The following WDR25 variants were observed in gnomAD, a reference collection of about 807,000 sequenced individuals.
WDR25 encodes WD repeat domain 25, also known as WD repeat-containing protein 25.
WDR25 carries 35 observed loss-of-function variants against 47.7 expected under a neutral mutation model. The observed-to-expected ratio is 0.73, with a 90% CI of 0.56 to 0.97. The LOEUF (loss-of-function observed/expected upper bound fraction) is 0.97. WDR25 is among the 50% of genes least tolerant of loss of function. The pLI is 0.00. For missense variants in WDR25, 634 were observed against 704.7 expected (o/e 0.90, Z 1.14); for synonymous variants, 248 against 278.9 (o/e 0.89, Z 1.10).
intron 2 of WDR25, among the ~76,000 whole-genome samples, chr14:100,400,234 C>G (rs536245373): frequency 1.3e-5 from 2 of 152,324 alleles, no homozygotes; most frequent in East Asian, 3.9e-4. Flanking sequence ...TTCCTTGATA[C>G]TTGTCATGGT....
At chr14:100,457,545 C>T (rs765805183) in intron 2 of WDR25, among the ~76,000 whole-genome samples, 4 of 152,136 alleles carry the variant, frequency 2.6e-5, no homozygotes, top group Non-Finnish European at 5.9e-5. Context: ...AGCAAACTTG[C>T]GCTATAAGAC....
At position 100,381,397 on chromosome 14, in the gene WDR25, G is replaced by T; in HGVS notation, c.473G>T (p.Gly158Val). The T allele has an allele frequency of 6.2e-7, 1 of 1,614,206 alleles. No individual in the cohort carries two copies. The highest frequency in any genetic ancestry group is 8.5e-7 in the Non-Finnish European group (1 of 1,180,020). Residue 158 changes from glycine (G) to valine (V), a missense_variant, in exon 2 of 7, where the codon GGT becomes GTT. Gly to Val is a moderately radical substitution (Grantham distance 109). Transcript: ENST00000402312. Reference protein sequence around the residue: ...FHAQSESETVGKNGSSFQKKK... With the variant: ...FHAQSESETVVKNGSSFQKKK... Reference sequence around the variant, plus strand: ...GCTCAAAGTGAGTCTGAAACCGTAGGTAAAAATGGCAGCTCTTTTCAGAAG... The same window carrying T: ...GCTCAAAGTGAGTCTGAAACCGTAGTTAAAAATGGCAGCTCTTTTCAGAAG...
Position 100,458,391 on chromosome 14 carries a change from C to T in WDR25, c.823-9630C>T, listed in dbSNP as rs570537921. 8.6e-5 allele frequency among the ~76,000 whole-genome samples: 13 copies of T among 152,024 alleles called. No individual in the cohort carries two copies. The South Asian group carries it at 2.7e-3, about 32-fold the overall frequency. On this transcript the variant is annotated intron_variant, in intron 2 of 6. Transcript: ENST00000402312. ...CATAAATATTTATATAAATAATAAG[C>T]GAGCTCTAAAATACATGAAGCAATA... is the stretch of plus-strand genomic sequence containing the variant.
Position 100,530,299 on chromosome 14 carries a change from A to G in WDR25, c.*258A>G. On this transcript the variant is annotated 3_prime_UTR_variant, in exon 7 of 7. Coordinates refer to ENST00000402312, the MANE Select transcript of WDR25 (RefSeq NM_001161476.3). ...GTTTTGCTGTTTGTTAAGTGATTTC[A>G]GCAACAAGTGTGCATTAGCAGCTTC... 1 of 517,500 alleles carries G rather than the reference A, an allele frequency of 1.9e-6. No homozygotes were observed. The allele number at this position is 517,500 out of a possible 1,614,324, so 32.1% of individuals were successfully genotyped here.
intron 2 of WDR25, among the ~76,000 whole-genome samples, chr14:100,454,298 A>C (rs1027678663): frequency 6.6e-6 from 1 of 152,112 alleles, no homozygotes; most frequent in East Asian, 1.9e-4. Context: ...AAACATTCCT[A>C]CCAGAAGGCT....
intron 4 of WDR25, among the ~76,000 whole-genome samples, chr14:100,505,282 GTTAT>G (rs1901073669): frequency 6.6e-6 from 1 of 152,196 alleles, no homozygotes; most frequent in African/African-American, 2.4e-5. Context: ...AAGGTCAACA[GTTAT>G]TTATTTCTTT....
intron 3 of WDR25, among the ~76,000 whole-genome samples, chr14:100,474,742 T>C (rs1348335440): frequency 2.0e-5 from 3 of 152,252 alleles, no homozygotes; most frequent in Admixed American, 1.3e-4. Context: ...TGGGCAATGA[T>C]TTTTTGGATA....
At chr14:100,505,268 A>G (rs972080139) in intron 4 of WDR25, among the ~76,000 whole-genome samples, 2 of 152,114 alleles carry the variant, frequency 1.3e-5, no homozygotes, top group Admixed American at 6.5e-5. Flanking sequence ...TTATGGTGTG[A>G]GGTAAGGTCA....
chr14:100,468,776 CA>C lies in WDR25; in HGVS notation c.970+609del, dbSNP rs1338160865. Among the ~76,000 whole-genome samples the C allele has an allele frequency of 9.9e-5, 15 of 152,094 alleles. No individual in the cohort carries two copies. The highest frequency in any genetic ancestry group is 3.6e-4 in the African/African-American group (15 of 41,406). On this transcript the variant is annotated intron_variant, in intron 3 of 6. Coordinates refer to ENST00000402312, the MANE Select transcript of WDR25 (RefSeq NM_001161476.3). The surrounding 1 kb of genome is among the most constrained non-coding windows in gnomAD (Gnocchi z 4.5). ...CAATACCCACCGCAGCCACAGCCCC[CA>C]GGTGGGCTCTCTCCGGGGTTTACAG...
chr14:100,393,862 C>T (rs1897196792), intron 2 of WDR25, among the ~76,000 whole-genome samples: 1 of 152,146 alleles, frequency 6.6e-6, no homozygotes, highest in African/African-American at 2.4e-5. Flanking sequence ...AGCTGCTCTG[C>T]CCTGAAATAC....
chr14:100,526,820 C>CA (rs376721886), intron 5 of WDR25, among the ~76,000 whole-genome samples: 125 of 109,890 alleles, frequency 1.1e-3, no homozygotes, highest in African/African-American at 4.1e-3. Context: ...CCATCAGCAT[C>CA]ACTACCACCA....
At position 100,381,720 on chromosome 14, in the gene WDR25, T is replaced by C. The variant is rs775014723; in HGVS notation, c.796T>C (p.Ser266Pro). 1 of 1,608,460 alleles carries C rather than the reference T, an allele frequency of 6.2e-7. No homozygotes were observed. Among genetic ancestry groups the C allele is most frequent in the South Asian group, 1.1e-5 (1 of 90,662 alleles). ...PVLSKSHMLL[S>P]TSMDKTFKVW... ...CCTTTCTAAGAGCCACATGCTTCTCTCCACTTCTATGGATAAAACTTTCAA... is the reference window on the plus strand; with the variant it reads ...CCTTTCTAAGAGCCACATGCTTCTCCCCACTTCTATGGATAAAACTTTCAA... Residue 266 changes from serine to proline, a missense_variant, in exon 2 of 7, where the codon TCC becomes CCC. Coordinates refer to ENST00000402312, the MANE Select transcript of WDR25 (RefSeq NM_001161476.3).
chr14:100,529,209 G>C lies in WDR25; in HGVS notation c.1413+1G>C, dbSNP rs1566951722. The C allele has an allele frequency of 1.2e-6, 2 of 1,613,332 alleles. No individual in the cohort carries two copies. The highest frequency in any genetic ancestry group is 3.3e-5 in the Admixed American group (2 of 60,014). Reference sequence around the variant, plus strand: ...ACGGCGGCGCTATGAAGGGCACAAGGTACTTCTGTCCTTGTCCCCCAGGCG... The same window carrying C: ...ACGGCGGCGCTATGAAGGGCACAAGCTACTTCTGTCCTTGTCCCCCAGGCG... On this transcript the variant is annotated splice_donor_variant, in intron 6 of 6. Coordinates refer to ENST00000402312, the MANE Select transcript of WDR25 (RefSeq NM_001161476.3). LOFTEE classifies it high-confidence loss of function. The surrounding 1 kb of genome is among the most constrained non-coding windows in gnomAD (Gnocchi z 5.1).
chr14:100,427,397 G>A (rs1898200430), intron 2 of WDR25, among the ~76,000 whole-genome samples: 1 of 152,202 alleles, frequency 6.6e-6, no homozygotes, highest in Admixed American at 6.5e-5. Context: ...AGGGGCCTGT[G>A]TGTCTTGCTC....
rs951725162 is a variant in WDR25, at chr14:100,488,043, G to A, written c.1101+3919G>A. ...CCTTAAACGTAGCCAAGTGCTAAGT[G>A]TCAAGATTCTGGACTTCTCTAGTCT... is the stretch of plus-strand genomic sequence containing the variant. On this transcript the variant is annotated intron_variant, in intron 4 of 6. Coordinates refer to ENST00000402312, the MANE Select transcript of WDR25 (RefSeq NM_001161476.3). This position sits in a 1 kb window ranked among gnomAD's most constrained non-coding sequence, Gnocchi z 4.2. 6.6e-6 allele frequency among the ~76,000 whole-genome samples: 1 copy of A among 152,168 alleles called. No individual in the cohort carries two copies. The highest frequency in any genetic ancestry group is 1.5e-5 in the Non-Finnish European group (1 of 68,044).
Position 100,430,535 on chromosome 14 carries a change from A to G in WDR25, c.823-37486A>G, listed in dbSNP as rs887770536. Among the ~76,000 whole-genome samples, 17 of 152,178 alleles carry G rather than the reference A, an allele frequency of 1.1e-4. No individual in the cohort carries two copies. The highest frequency in any genetic ancestry group is 3.6e-4 in the African/African-American group (15 of 41,434). ...TAGGTGCTCACTCATTGGGTGTTGGATTTAATTAAAATAACGGCTAGTCTT... is the reference window on the plus strand; with the variant it reads ...TAGGTGCTCACTCATTGGGTGTTGGGTTTAATTAAAATAACGGCTAGTCTT... On this transcript the variant is annotated intron_variant, in intron 2 of 6. Transcript: ENST00000402312. The surrounding 1 kb of genome is among the most constrained non-coding windows in gnomAD (Gnocchi z 4.7).
chr14:100,399,913 C>T (rs1398959859), intron 2 of WDR25, among the ~76,000 whole-genome samples: 1 of 152,106 alleles, frequency 6.6e-6, no homozygotes, highest in Non-Finnish European at 1.5e-5. Flanking sequence ...GGGAAAAATA[C>T]CAGATGAGGA....
intron 3 of WDR25, among the ~76,000 whole-genome samples, chr14:100,480,609 G>A (rs143430148): frequency 7.0e-4 from 106 of 152,260 alleles, no homozygotes; most frequent in African/African-American, 2.4e-3. Context: ...CCATTGTTAT[G>A]TGATTTTTGT....
At position 100,525,848 on chromosome 14, in the gene WDR25, T is replaced by C; in HGVS notation, c.1102-22T>C. The C allele has an allele frequency of 6.2e-7, 1 of 1,609,600 alleles. No homozygotes were observed. Among genetic ancestry groups the C allele is most frequent in the Non-Finnish European group, 8.5e-7 (1 of 1,176,858 alleles). On this transcript the variant is annotated intron_variant, in intron 4 of 6. Transcript: ENST00000402312. This position sits in a 1 kb window ranked among gnomAD's most constrained non-coding sequence, Gnocchi z 4.6. Reference sequence around the variant, plus strand: ...GTCCGTGCTGCCAGGCCTGCCAGCATGACCGGTGTCCGCTCTTGCAGGTGA... The same window carrying C: ...GTCCGTGCTGCCAGGCCTGCCAGCACGACCGGTGTCCGCTCTTGCAGGTGA...
Sources: allele counts gnomAD v4.1 joint callset (sites outside exome capture counted in the v4.1 genomes callset), GRCh38; gene constraint gnomAD v4.1.1; non-coding constraint Gnocchi (gnomAD v3.1); transcripts MANE v1.5; gene names NCBI Gene and HGNC (gene_info 2026-07-23, HGNC 2026-07-21).